Variants in ZNF577 observed in about 807,000 individuals in gnomAD.
ZNF577 encodes zinc finger protein 577.
ZNF577 carries 14 observed loss-of-function variants against 13.9 expected under a neutral mutation model. The observed-to-expected ratio is 1.00, with a 90% CI of 0.66 to 1.57. The LOEUF is 1.57. Among genes scored for constraint, ZNF577 ranks in the 40% most tolerant of loss-of-function variants. The pLI is 0.00. For synonymous variants in ZNF577, 203 were observed against 202.9 expected (o/e 1.00, Z 0.00); for missense variants, 555 against 579.2 (o/e 0.96, Z 0.43).
chr19:51,860,907 C>A (rs1360523887), intron 5 of ZNF577: 1 of 404,250 alleles, frequency 2.5e-6, no homozygotes, highest in Non-Finnish European at 4.8e-6. Context: ...TTTTTACCTG[C>A]AATGAGGTGT....
downstream of ZNF577, chr19:51,804,723 C>T (rs12609730): frequency 0.12 from 18,976 of 152,022 alleles, 1,589 homozygotes; most frequent in East Asian, 0.29. Context: ...TGTGGCTGTT[C>T]GGGGCGCCAC....
intron 9 of ZNF577, among the ~76,000 whole-genome samples, chr19:51,812,559 C>T (rs1234786716): frequency 6.6e-6 from 1 of 152,214 alleles, no homozygotes; most frequent in Non-Finnish European, 1.5e-5. Context: ...TACAGACCCT[C>T]AGCTACAGTT....
intron 9 of ZNF577, among the ~76,000 whole-genome samples, chr19:51,823,432 C>T (rs945519788): frequency 6.6e-6 from 1 of 152,154 alleles, no homozygotes; most frequent in Non-Finnish European, 1.5e-5. Context: ...GAAGCTGAAG[C>T]TGCCTATGCT....
intron 9 of ZNF577, among the ~76,000 whole-genome samples, chr19:51,839,360 C>G (rs1278810740): frequency 6.6e-6 from 1 of 152,114 alleles, no homozygotes; most frequent in Non-Finnish European, 1.5e-5. Context: ...CCCCTCTGCA[C>G]TCCAGCCTGG....
chr19:51,830,131 T>C (rs2084254554), intron 9 of ZNF577, among the ~76,000 whole-genome samples: 1 of 35,780 alleles, frequency 2.8e-5, no homozygotes, highest in Non-Finnish European at 5.1e-5. Context: ...ATGCTTCTAG[T>C]GTTTAAAAAA....
chr19:51,882,018 G>A (rs1253612364), intron 1 of ZNF577, among the ~76,000 whole-genome samples: 5 of 152,096 alleles, frequency 3.3e-5, no homozygotes, highest in African/African-American at 1.2e-4. Context: ...TAAACGCACT[G>A]GTCAAGATGC....
rs562585739 is a variant in ZNF577 at position 51,868,725 on chromosome 19, T to C, written c.*3807A>G. 2.0e-5 allele frequency among the ~76,000 whole-genome samples: 3 copies of C among 152,280 alleles called. No individual in the cohort carries two copies. Among genetic ancestry groups the C allele is most frequent in the Admixed American group, 1.3e-4 (2 of 15,290 alleles). On this transcript the variant is annotated 3_prime_UTR_variant, in exon 6 of 6. Coordinates refer to ENST00000638348, the MANE Select transcript of ZNF577 (RefSeq NM_001370449.1). ...CTCATGTGTGTGGGGGAAAGAAAGA[T>C]AGATCAGACTGCTACTGTGTCTATG...
chr19:51,808,315 T>C (rs916814241), intron 10 of ZNF577, among the ~76,000 whole-genome samples: 1 of 152,220 alleles, frequency 6.6e-6, no homozygotes, highest in Non-Finnish European at 1.5e-5. Flanking sequence ...GTAACAATAG[T>C]TCCTAAGTAT....
chr19:51,810,472 G>T (rs908187457), intron 10 of ZNF577, among the ~76,000 whole-genome samples: 3 of 152,016 alleles, frequency 2.0e-5, no homozygotes, highest in African/African-American at 7.3e-5. Context: ...CAGGAATTGC[G>T]GCCCAGGTGC....
chr19:51,838,004 C>CAG (rs1365169509), intron 9 of ZNF577, among the ~76,000 whole-genome samples: 1 of 152,126 alleles, frequency 6.6e-6, no homozygotes, highest in Non-Finnish European at 1.5e-5. Context: ...AAACCCAGCC[C>CAG]AGATGACACC....
intron 9 of ZNF577, chr19:51,817,765 C>T (rs2084150598): frequency 6.6e-6 from 1 of 152,140 alleles, no homozygotes; most frequent in Admixed American, 6.5e-5. Flanking sequence ...TGTCTTTTGA[C>T]AAATCCTTGG....
At chr19:51,813,793 CAA>C (rs769578067) in intron 9 of ZNF577, among the ~76,000 whole-genome samples, 5 of 152,180 alleles carry the variant, frequency 3.3e-5, no homozygotes, top group Admixed American at 6.5e-5. Flanking sequence ...CTCGGCCTCC[CAA>C]AGTGCTGGGA....
chr19:51,873,803 G>T, intron 5 of ZNF577, 97 bp from the exon 6 acceptor site: 1 of 963,464 alleles, frequency 1.0e-6, no homozygotes. Flanking sequence ...TTATTTCCAA[G>T]GGCATAACTT....
At position 51,868,096 on chromosome 19, in the gene ZNF577, G is replaced by A. The variant is rs2084593671; in HGVS notation, c.*4436C>T. ...CAAAGTGGATGGAATCTGTAAATCT[G>A]TGCACCAGCAGTTGTAGGTTTTTAA... On this transcript the variant is annotated 3_prime_UTR_variant, in exon 6 of 6. Coordinates refer to ENST00000638348, the MANE Select transcript of ZNF577 (RefSeq NM_001370449.1). Among the ~76,000 whole-genome samples the A allele has an allele frequency of 6.6e-6, 1 of 152,192 alleles. No homozygotes were observed. Among genetic ancestry groups the A allele is most frequent in the Non-Finnish European group, 1.5e-5 (1 of 68,030 alleles).
rs781673801 is a variant in ZNF577, at chr19:51,872,543, C to A, written c.1447G>T (p.Val483Leu). 12 of 1,579,596 alleles carry A rather than the reference C, an allele frequency of 7.6e-6. No individual in the cohort carries two copies. Among genetic ancestry groups the A allele is most frequent in the Admixed American group, 1.9e-5 (1 of 53,934 alleles). Reference protein sequence around the residue: ...INYILYLTDIVSE With the variant: ...INYILYLTDILSE ...TGGTATCAGAAGATTTATTCTGATA[C>A]AATATCTGTAAGATACAAGATATAA... is the stretch of plus-strand genomic sequence containing the variant. Residue 483 changes from valine (V) to leucine (L), a missense_variant, in exon 6 of 6, where the codon GTA (valine) becomes TTA (leucine). Physicochemically the swap from Val to Leu is conservative, Grantham distance 32. Transcript: ENST00000638348.
Position 51,872,648 on chromosome 19 carries a change from G to C in ZNF577, c.1342C>G (p.Gln448Glu). Reference sequence around the variant, plus strand: ...AATTCCTGATTAACTACAAAGGCTTGATTTCTTGGAAAAGGTTGTTCCACA... The same window carrying C: ...AATTCCTGATTAACTACAAAGGCTTCATTTCTTGGAAAAGGTTGTTCCACA... Reference protein sequence around the residue: ...VIVEQPFPRNQAFVVNQEFEQ... With the variant: ...VIVEQPFPRNEAFVVNQEFEQ... Residue 448 changes from glutamine (Q) to glutamate (E), a missense_variant, in exon 6 of 6, where the codon CAA becomes GAA. Physicochemically the swap from Gln to Glu is conservative, Grantham distance 29 (BLOSUM62 2). Coordinates refer to ENST00000638348, the MANE Select transcript of ZNF577 (RefSeq NM_001370449.1). 6.2e-7 allele frequency: 1 copy of C among 1,614,162 alleles called. No homozygotes were observed. The highest frequency in any genetic ancestry group is 1.3e-5 in the African/African-American group (1 of 75,058).
rs981927185 is a variant in ZNF577 at position 51,872,683 on chromosome 19, T to C, written c.1307A>G (p.Asn436Ser). Reference sequence around the variant, plus strand: ...AAAAGGTTGTTCCACAATCACTACATTTCTGCCCACTAGGCGCTCACTCTT... The same window carrying C: ...AAAAGGTTGTTCCACAATCACTACACTTCTGCCCACTAGGCGCTCACTCTT... ...LNKSERLVGRNVVIVEQPFPR... is the reference protein window; with the variant it reads ...LNKSERLVGRSVVIVEQPFPR... The change falls in exon 6 of 6, where the codon AAT becomes AGT. Residue 436 changes from asparagine (N) to serine (S), a missense_variant. By Grantham distance (46) the Asn-to-Ser change is conservative (BLOSUM62 1). Coordinates refer to ENST00000638348, the MANE Select transcript of ZNF577 (RefSeq NM_001370449.1). 2.9e-5 allele frequency: 47 copies of C among 1,614,114 alleles called. No individual in the cohort carries two copies. The highest frequency in any genetic ancestry group is 3.6e-5 in the Non-Finnish European group (42 of 1,180,042).
chr19:51,869,149 G>A lies in ZNF577; in HGVS notation c.*3383C>T, dbSNP rs1351690146. ...CCCATAAAGGGTCTGTGCTGAGGAG[G>A]ATTAGTGAAAGAGGAAGGCCTCTTT... On this transcript the variant is annotated 3_prime_UTR_variant, in exon 6 of 6. Transcript: ENST00000638348. Among the ~76,000 whole-genome samples the A allele has an allele frequency of 2.0e-5, 3 of 152,178 alleles. No individual in the cohort carries two copies. Among genetic ancestry groups the A allele is most frequent in the African/African-American group, 7.2e-5 (3 of 41,458 alleles).
At chr19:51,858,833 TA>T (rs1466049746) in intron 5 of ZNF577, among the ~76,000 whole-genome samples, 33 of 152,234 alleles carry the variant, frequency 2.2e-4, no homozygotes, top group Non-Finnish European at 1.3e-4. Context: ...TTTTTAAATA[TA>T]TTTTTCTTCA....
Sources: allele counts gnomAD v4.1 joint callset (sites outside exome capture counted in the v4.1 genomes callset), GRCh38; gene constraint gnomAD v4.1.1; transcripts MANE v1.5; gene names NCBI Gene and HGNC (gene_info 2026-07-23, HGNC 2026-07-21).